Variants in LPP observed in about 807,000 individuals in gnomAD.
The protein encoded by LPP is lipoma-preferred partner.
A neutral mutation model predicts 60.4 loss-of-function variants in LPP; 38 were observed. The ratio of observed to expected loss-of-function variants is 0.63; its 90% confidence interval spans 0.49 to 0.83. The LOEUF (loss-of-function observed/expected upper bound fraction) is 0.83, where lower values mean the gene tolerates loss of function less well. Ranked by LOEUF, LPP falls within the 40% of genes least tolerant of loss-of-function variation. The pLI is 0.00. For missense variants in LPP, 902 were observed against 783.6 expected (o/e 1.15, Z -1.80); for synonymous variants, 328 against 290.8 (o/e 1.13, Z -1.30).
At chr3:188,304,804 T>C (rs1750997021) in intron 2 of LPP, among the ~76,000 whole-genome samples, 1 of 152,234 alleles carries the variant, frequency 6.6e-6, no homozygotes, top group Non-Finnish European at 1.5e-5. Context: ...AATACAAAGA[T>C]AATTTCTCTT....
At chr3:188,289,561 A>G (rs773777798) in intron 2 of LPP, among the ~76,000 whole-genome samples, 47 of 152,206 alleles carry the variant, frequency 3.1e-4, no homozygotes, top group Admixed American at 6.5e-5. Flanking sequence ...TCATTAGATG[A>G]GGAAATTGAG....
chr3:188,669,202 G>A (rs1295709774), intron 7 of LPP, among the ~76,000 whole-genome samples: 4 of 152,060 alleles, frequency 2.6e-5, no homozygotes, highest in Non-Finnish European at 4.4e-5. Context: ...CCTGAGATTG[G>A]TAATCAAGAG....
intron 2 of LPP, among the ~76,000 whole-genome samples, chr3:188,337,159 C>T (rs1189017160): frequency 6.6e-6 from 1 of 152,058 alleles, no homozygotes; most frequent in Non-Finnish European, 1.5e-5. Context: ...GATGTCGGGC[C>T]ACTGGGTTCG....
chr3:188,413,990 A>G (rs1006752013), intron 4 of LPP, among the ~76,000 whole-genome samples: 1 of 152,162 alleles, frequency 6.6e-6, no homozygotes, highest in Non-Finnish European at 1.5e-5. Context: ...AGTTACTATT[A>G]TATACTTATT....
chr3:188,256,614 T>C (rs1420296856), intron 2 of LPP, among the ~76,000 whole-genome samples: 2 of 152,194 alleles, frequency 1.3e-5, no homozygotes, highest in African/African-American at 4.8e-5. Flanking sequence ...CTACACTGTC[T>C]CTCAACATTT....
chr3:188,256,262 CTTAG>C (rs1378905563), intron 2 of LPP, among the ~76,000 whole-genome samples: 1 of 151,906 alleles, frequency 6.6e-6, no homozygotes, highest in African/African-American at 2.4e-5. Context: ...TTAATTAAAC[CTTAG>C]TTAATGAATA....
chr3:188,567,603 C>G (rs981451773), intron 6 of LPP, among the ~76,000 whole-genome samples: 1 of 151,904 alleles, frequency 6.6e-6, no homozygotes, highest in Non-Finnish European at 1.5e-5. Context: ...CTGTTATCAT[C>G]ATTGCCTGAA....
intron 9 of LPP, among the ~76,000 whole-genome samples, chr3:188,812,080 C>T (rs149274478): frequency 8.4e-4 from 128 of 152,190 alleles, no homozygotes; most frequent in African/African-American, 3.0e-3. Context: ...TATTCCCTTA[C>T]GTTCCTCCTG....
rs183545298 is a variant in LPP, at chr3:188,335,333, G to A, written c.-66-6330G>A. Among the ~76,000 whole-genome samples the A allele has an allele frequency of 1.6e-4, 24 of 152,246 alleles. No individual in the cohort carries two copies. In the East Asian group the frequency reaches 3.9e-3, roughly 25 times the overall value. On this transcript the variant is annotated intron_variant, in intron 2 of 11. Transcript: ENST00000617246. Reference sequence around the variant, plus strand: ...TTGTTTTGTTGAGGTAATGTATCACGTTTATTGGTTTACCTGTGTTAAACT... The same window carrying A: ...TTGTTTTGTTGAGGTAATGTATCACATTTATTGGTTTACCTGTGTTAAACT...
chr3:188,217,773 C>A lies in LPP; in HGVS notation c.-189-7632C>A, dbSNP rs1393528688. Among the ~76,000 whole-genome samples, 3 of 152,106 alleles carry A rather than the reference C, an allele frequency of 2.0e-5. No homozygotes were observed. The highest frequency in any genetic ancestry group is 7.2e-5 in the African/African-American group (3 of 41,406). On this transcript the variant is annotated intron_variant, in intron 1 of 11. Coordinates refer to ENST00000617246, the MANE Select transcript of LPP (RefSeq NM_001375462.1). This position sits in a 1 kb window ranked among gnomAD's most constrained non-coding sequence, Gnocchi z 4.0. ...CAGATAAGCAGCTGGCGTTCCAAGA[C>A]CAAAGAGTATCTGTTTCTCACCCCT...
rs1361771656 is a variant in LPP at position 188,886,759 on chromosome 3, C to CACACACAA, written c.*12286_*12287insAAACACAC. On this transcript the variant is annotated 3_prime_UTR_variant, in exon 12 of 12. Transcript: ENST00000617246. ...ACATACACACACACACACACACACA[C>CACACACAA]ACACACCCCTTCCAAGAAAGCTGAT... 4.3e-6 allele frequency: 1 copy of CACACACAA among 230,338 alleles called. No individual in the cohort carries two copies. The highest frequency in any genetic ancestry group is 8.6e-6 in the Non-Finnish European group (1 of 116,876). 14.3% of individuals were successfully genotyped at this position (230,338 alleles called of 1,614,324 possible).
chr3:188,154,692 C>T lies in LPP; in HGVS notation c.-190+440C>T, dbSNP rs149438413. On this transcript the variant is annotated intron_variant, in intron 1 of 11. Coordinates refer to ENST00000617246, the MANE Select transcript of LPP (RefSeq NM_001375462.1). ...CGGAAGTTATTTACTAGAGGCCAGA[C>T]CATAATTCAAATAGTTGGCTCCGGA... 1.2e-3 allele frequency among the ~76,000 whole-genome samples: 177 copies of T among 152,344 alleles called. 1 individual carries two copies. The highest frequency in any genetic ancestry group is 4.0e-3 in the African/African-American group (166 of 41,580).
At chr3:188,522,890 G>A (rs1819369822) in intron 5 of LPP, among the ~76,000 whole-genome samples, 1 of 143,748 alleles carries the variant, frequency 7.0e-6, no homozygotes, top group Admixed American at 7.1e-5. Context: ...ATATATGTGT[G>A]TGTGTGTGTG....
chr3:188,535,287 G>A (rs571733632), intron 6 of LPP, among the ~76,000 whole-genome samples: 11 of 152,208 alleles, frequency 7.2e-5, no homozygotes, highest in Admixed American at 2.6e-4. Context: ...GAAGTTTTAC[G>A]TAACAGAATA....
At chr3:188,854,565 G>A (rs912988799) in intron 9 of LPP, among the ~76,000 whole-genome samples, 1 of 152,208 alleles carries the variant, frequency 6.6e-6, no homozygotes, top group Non-Finnish European at 1.5e-5. Context: ...GTTCTCAACA[G>A]AAGCCAAATG....
chr3:188,877,991 G>A lies in LPP; in HGVS notation c.*3512G>A, dbSNP rs988938243. 2 of 216,240 alleles carry A rather than the reference G, an allele frequency of 9.2e-6. No individual in the cohort carries two copies. Among genetic ancestry groups the A allele is most frequent in the Non-Finnish European group, 1.9e-5 (2 of 107,190 alleles). 13.4% of individuals were successfully genotyped at this position (216,240 alleles called of 1,614,324 possible). A position where few individuals can be genotyped will look rare whatever the true frequency, so the allele number is the denominator to read the frequency against. ...GAAAGATTCCACAGAGATGTTTATG[G>A]TGAGGTTTAAAGGATATGAAACTCT... On this transcript the variant is annotated 3_prime_UTR_variant, in exon 12 of 12. Transcript: ENST00000617246.
At chr3:188,174,036 C>T (rs1326647833) in intron 1 of LPP, among the ~76,000 whole-genome samples, 3 of 152,136 alleles carry the variant, frequency 2.0e-5, no homozygotes, top group Non-Finnish European at 4.4e-5. Context: ...TTAAGCAAAC[C>T]GTTGTGCCCA....
chr3:188,391,967 A>G (rs1232676017), intron 3 of LPP, among the ~76,000 whole-genome samples: 1 of 152,176 alleles, frequency 6.6e-6, no homozygotes, highest in Non-Finnish European at 1.5e-5. Flanking sequence ...AGCCAATTAC[A>G]TATATTTTGG....
chr3:188,400,162 G>T (rs1388148236), intron 3 of LPP, among the ~76,000 whole-genome samples: 2 of 152,056 alleles, frequency 1.3e-5, no homozygotes, highest in African/African-American at 4.8e-5. Context: ...ATGGCAAGTA[G>T]AATTCAAGAG....
Sources: gnomAD v4.1 joint callset for allele counts (sites outside exome capture counted in the v4.1 genomes callset) on GRCh38, gnomAD v4.1.1 for gene constraint, Gnocchi (gnomAD v3.1) non-coding constraint, MANE v1.5 for transcripts, NCBI Gene and HGNC (gene_info 2026-07-23, HGNC 2026-07-21) for gene names.